Variants in ASPA observed in about 807,000 individuals in gnomAD.
The protein encoded by ASPA is ACY-2.
A neutral mutation model predicts 29.6 loss-of-function variants in ASPA; 25 were observed. The ratio of observed to expected loss-of-function variants is 0.85; its 90% CI spans 0.62 to 1.18. The LOEUF (loss-of-function observed/expected upper bound fraction) is 1.18. ASPA is among the 50% of genes most tolerant of loss of function. The probability of loss-of-function intolerance (pLI) is 0.00; values close to 1 mark genes in which losing one functional copy is unlikely to be tolerated. For synonymous variants in ASPA, 131 were observed against 130.3 expected, an observed-to-expected ratio of 1.01 and a Z score of -0.04; for missense variants, 333 against 385.7, an observed-to-expected ratio of 0.86 and a Z score of 1.14.
At chr17:3,486,935 G>A (rs963274701) in intron 3 of ASPA, among the ~76,000 whole-genome samples, 19 of 152,156 alleles carry the variant, frequency 1.2e-4, no homozygotes, top group African/African-American at 3.4e-4. Flanking sequence ...CAGGGGTGGC[G>A]TTGAATGAAT....
Position 3,489,644 on chromosome 17 carries a change from A to C in ASPA, c.634+302A>C, listed in dbSNP as rs12952852. On this transcript the variant is annotated intron_variant, in intron 4 of 5. Coordinates refer to ENST00000263080, the MANE Select transcript of ASPA (RefSeq NM_000049.4). ...CATCACTAGTAATTAGAGAAATGCA[A>C]ATTAAAATAAGAAGTCACTTCCCCC... Among the ~76,000 whole-genome samples, 61,471 of 152,082 alleles carry C rather than the reference A, an allele frequency of 0.4. 14,430 individuals are homozygous for C. Among genetic ancestry groups the C allele is most frequent in the Non-Finnish European group, 0.55 (37,453 of 67,946 alleles).
At position 3,494,444 on chromosome 17, in the gene ASPA, C is replaced by A; in HGVS notation, c.729C>A (p.Ile243=). ...RDENGEIAAI[I]HPNLQDQDWK... ...AAAATGGAGAAATTGCTGCTATCAT[C>A]CATCCTAATCTGCAGGTAACATTTG... is the stretch of plus-strand genomic sequence containing the variant. Residue 243 remains isoleucine, a synonymous_variant, in exon 5 of 6, where the codon ATC becomes ATA. Coordinates refer to ENST00000263080, the MANE Select transcript of ASPA (RefSeq NM_000049.4). The A allele has an allele frequency of 6.2e-7, 1 of 1,604,324 alleles. No individual in the cohort carries two copies. Among genetic ancestry groups the A allele is most frequent in the Non-Finnish European group, 8.5e-7 (1 of 1,171,054 alleles).
intron 4 of ASPA, among the ~76,000 whole-genome samples, chr17:3,489,881 CA>C (rs1567615000): frequency 6.6e-6 from 1 of 152,134 alleles, no homozygotes; most frequent in Non-Finnish European, 1.5e-5. Context: ...CAAGCACAAG[CA>C]ACATGTTGTT....
At chr17:3,480,930 G>T (rs1401195945) in intron 1 of ASPA, among the ~76,000 whole-genome samples, 1 of 152,124 alleles carries the variant, frequency 6.6e-6, no homozygotes, top group Non-Finnish European at 1.5e-5. Flanking sequence ...GACCAGCCTG[G>T]GCAACAGAGC....
chr17:3,492,202 C>T (rs1337707400), intron 4 of ASPA, among the ~76,000 whole-genome samples: 2 of 152,280 alleles, frequency 1.3e-5, no homozygotes, highest in South Asian at 4.1e-4. Flanking sequence ...ATTAAAAAAG[C>T]TGAGCAGCAA....
At position 3,476,105 on chromosome 17, in the gene ASPA, T is replaced by C; in HGVS notation, c.-55T>C. Reference sequence around the variant, plus strand: ...CTAAACCTTTCTTAAGAAAATCGAATTTCCTTTGATCTCTCTTCTGAATTG... The same window carrying C: ...CTAAACCTTTCTTAAGAAAATCGAACTTCCTTTGATCTCTCTTCTGAATTG... On this transcript the variant is annotated 5_prime_UTR_variant, in exon 1 of 6. Transcript: ENST00000263080. 6.5e-7 allele frequency: 1 copy of C among 1,530,178 alleles called. No homozygotes were observed. Among genetic ancestry groups the C allele is most frequent in the East Asian group, 2.3e-5 (1 of 44,404 alleles). The allele number at this position is 1,530,178 out of a possible 1,614,324, so 94.8% of individuals were successfully genotyped here.
intron 2 of ASPA, among the ~76,000 whole-genome samples, chr17:3,482,500 G>A (rs980858029): frequency 1.3e-5 from 2 of 152,160 alleles, no homozygotes; most frequent in Non-Finnish European, 2.9e-5. Flanking sequence ...AGGAAAGAGT[G>A]TGGCCTGTGC....
Position 3,502,410 on chromosome 17 carries a change from T to C in ASPA, c.*3322T>C, listed in dbSNP as rs2074000765. 6.6e-6 allele frequency: 1 copy of C among 152,238 alleles called. No individual in the cohort carries two copies. The highest frequency in any genetic ancestry group is 1.5e-5 in the Non-Finnish European group (1 of 68,034). The allele number at this position is 152,238 out of a possible 1,614,324, so 9.4% of individuals were successfully genotyped here. A position where few individuals can be genotyped will look rare whatever the true frequency, so the allele number is the denominator to read the frequency against. On this transcript the variant is annotated 3_prime_UTR_variant, in exon 6 of 6. Coordinates refer to ENST00000263080, the MANE Select transcript of ASPA (RefSeq NM_000049.4). ...CTGAAATATCTCTGAGGTATGCCTG[T>C]AATGTATAAGTGCTAGTAGAAATGA...
Position 3,500,475 on chromosome 17 carries a change from TA to T in ASPA, c.*1389del, listed in dbSNP as rs2073975921. 6.6e-6 allele frequency: 1 copy of T among 152,030 alleles called. No individual in the cohort carries two copies. Among genetic ancestry groups the T allele is most frequent in the African/African-American group, 2.4e-5 (1 of 41,396 alleles). 9.4% of individuals were successfully genotyped at this position (152,030 alleles called of 1,614,324 possible). On this transcript the variant is annotated 3_prime_UTR_variant, in exon 6 of 6. Coordinates refer to ENST00000263080, the MANE Select transcript of ASPA (RefSeq NM_000049.4). The stretch of plus-strand genomic sequence containing the variant: ...ACTTTGGGTTAAAGCCAAAGCTCAT[TA>T]ACTGTTTCAAAAATCCTAAAACTCT...
At chr17:3,477,333 C>T (rs549839501) in intron 1 of ASPA, among the ~76,000 whole-genome samples, 3 of 152,272 alleles carry the variant, frequency 2.0e-5, no homozygotes, top group Admixed American at 6.5e-5. Context: ...TTGCATACAA[C>T]GTAAGCAGTC....
At position 3,485,896 on chromosome 17, in the gene ASPA, C is replaced by T. The variant is rs192446005; in HGVS notation, c.526+2304C>T. On this transcript the variant is annotated intron_variant, in intron 3 of 5. Transcript: ENST00000263080. The surrounding 1 kb of genome is among the most constrained non-coding windows in gnomAD (Gnocchi z 4.4). ...GGGTGACATAGAGAGAGCCAGATGG[C>T]AGCTATCCATGCCAGTGGTTGCATT... 2.6e-5 allele frequency among the ~76,000 whole-genome samples: 4 copies of T among 151,624 alleles called. No individual in the cohort carries two copies. Among genetic ancestry groups the T allele is most frequent in the African/African-American group, 9.7e-5 (4 of 41,360 alleles).
chr17:3,483,845 C>T (rs1035917381), intron 3 of ASPA, among the ~76,000 whole-genome samples: 14 of 151,800 alleles, frequency 9.2e-5, no homozygotes, highest in African/African-American at 1.9e-4. Context: ...TTAGTACAGA[C>T]GGAGTTTCAC....
chr17:3,483,192 T>C (rs1432042752), intron 2 of ASPA, among the ~76,000 whole-genome samples: 3 of 152,014 alleles, frequency 2.0e-5, no homozygotes, highest in African/African-American at 7.2e-5. Flanking sequence ...GAAACAAAAA[T>C]CACCACATCC....
chr17:3,475,262 A>T (rs903059271), upstream of ASPA, among the ~76,000 whole-genome samples: 4 of 152,128 alleles, frequency 2.6e-5, no homozygotes, highest in Non-Finnish European at 5.9e-5. Context: ...CTTTTTGAGT[A>T]ACACAGTCCA....
At chr17:3,495,769 A>G (rs1234725071) in intron 5 of ASPA, among the ~76,000 whole-genome samples, 1 of 152,052 alleles carries the variant, frequency 6.6e-6, no homozygotes, top group African/African-American at 2.4e-5. Context: ...GGGTTTCACC[A>G]TGTTGGCCAG....
upstream of ASPA, chr17:3,474,170 A>G (rs936948252): frequency 2.0e-4 from 30 of 152,220 alleles, no homozygotes; most frequent in African/African-American, 7.2e-4. Flanking sequence ...TACACAAAAA[A>G]CAAGGTAAGT....
intron 1 of ASPA, among the ~76,000 whole-genome samples, chr17:3,478,799 A>C (rs2073577961): frequency 6.6e-6 from 1 of 151,814 alleles, no homozygotes; most frequent in Admixed American, 6.6e-5. Context: ...TATATTCCTC[A>C]TCTCAGTGGT....
intron 4 of ASPA, among the ~76,000 whole-genome samples, chr17:3,492,079 G>A (rs547039086): frequency 3.3e-5 from 5 of 152,136 alleles, no homozygotes; most frequent in East Asian, 1.9e-4. Flanking sequence ...GTTTTGCCAC[G>A]TTGCCCAGGC....
chr17:3,502,426 G>A lies in ASPA; in HGVS notation c.*3338G>A, dbSNP rs1253249690. On this transcript the variant is annotated 3_prime_UTR_variant, in exon 6 of 6. Transcript: ENST00000263080. ...GTATGCCTGTAATGTATAAGTGCTA[G>A]TAGAAATGAGTTGTGCAGAATTGCT... The A allele has an allele frequency of 1.3e-5, 2 of 152,202 alleles. No homozygotes were observed. Among genetic ancestry groups the A allele is most frequent in the African/African-American group, 2.4e-5 (1 of 41,448 alleles). The allele number at this position is 152,202 out of a possible 1,614,324, so 9.4% of individuals were successfully genotyped here.
Sources: gnomAD v4.1 joint callset for allele counts (sites outside exome capture counted in the v4.1 genomes callset) on GRCh38, gnomAD v4.1.1 for gene constraint, Gnocchi (gnomAD v3.1) non-coding constraint, MANE v1.5 for transcripts, NCBI Gene and HGNC (gene_info 2026-07-23, HGNC 2026-07-21) for gene names.